NCAPD3: variants seen among roughly 807,000 people sequenced by gnomAD.
NCAPD3 encodes the protein condensin-2 complex subunit D3.
A neutral mutation model predicts 182.9 loss-of-function variants in NCAPD3; 105 were observed. That is an observed-to-expected ratio of 0.57 (90% CI 0.49 to 0.68). The LOEUF (loss-of-function observed/expected upper bound fraction) is 0.68. Ranked by LOEUF, NCAPD3 falls within the 30% of genes least tolerant of loss-of-function variation. The pLI is 0.00. For synonymous variants in NCAPD3, 815 were observed against 679.9 expected (o/e 1.20, Z -3.09); for missense variants, 1,944 against 1,837.0 (o/e 1.06, Z -1.07).
In NCAPD3 at chr11:134,203,869, G is replaced by A. The variant is rs770514835; in HGVS notation, c.1253C>T (p.Ala418Val). Residue 418 changes from alanine (A) to valine (V), a missense_variant, in exon 11 of 35, where the codon GCT becomes GTT. By Grantham distance (64) the Ala-to-Val change is moderately conservative (BLOSUM62 0). Coordinates refer to ENST00000534548, the MANE Select transcript of NCAPD3 (RefSeq NM_015261.3). ...HRVFTLDVVL[A>V]LLELPEREVD... is the part of the protein sequence containing the mutation. ...CTCTCTTTCAGGCAGTTCTAACAGA[G>A]CTAAGACAACATCAAGAGTAAAAAC... is the stretch of plus-strand genomic sequence containing the variant. The A allele has an allele frequency of 6.2e-7, 1 of 1,614,072 alleles. No homozygotes were observed. The highest frequency in any genetic ancestry group is 8.5e-7 in the Non-Finnish European group (1 of 1,179,948).
chr11:134,161,818 T>A lies in NCAPD3; in HGVS notation c.3647A>T (p.Lys1216Met). 1 of 1,593,426 alleles carries A rather than the reference T, an allele frequency of 6.3e-7. No homozygotes were observed. Among genetic ancestry groups the A allele is most frequent in the Non-Finnish European group, 8.6e-7 (1 of 1,164,582 alleles). The change falls in exon 28 of 35, where the codon AAG (lysine) becomes ATG (methionine). Residue 1216 changes from lysine (K) to methionine (M), a missense_variant. By Grantham distance (95) the Lys-to-Met change is moderately conservative. Coordinates refer to ENST00000534548, the MANE Select transcript of NCAPD3 (RefSeq NM_015261.3). ...CATGAGTTCCCGCAAAGCTGGGATC[T>A]TATTTTTCTCCAGCACAGTCTTCAG... ...ISLKTVLEKN[K>M]IPALRELMHY...
intron 13 of NCAPD3, among the ~76,000 whole-genome samples, chr11:134,196,541 G>A (rs1267072904): frequency 1.3e-5 from 2 of 151,564 alleles, no homozygotes; most frequent in African/African-American, 4.9e-5. Context: ...AGATACTCAG[G>A]AGGCTGAGGC....
At chr11:134,217,631 A>G (rs984819366) in intron 2 of NCAPD3, among the ~76,000 whole-genome samples, 6 of 152,232 alleles carry the variant, frequency 3.9e-5, no homozygotes, top group Non-Finnish European at 1.5e-5. Context: ...TATTAATTCT[A>G]TCTTCATTCC....
intron 28 of NCAPD3, among the ~76,000 whole-genome samples, chr11:134,161,191 A>G (rs932050852): frequency 1.3e-5 from 2 of 152,168 alleles, no homozygotes; most frequent in Non-Finnish European, 2.9e-5. Context: ...AATTAAAGAA[A>G]AACTATGTTG....
intron 8 of NCAPD3, among the ~76,000 whole-genome samples, chr11:134,205,916 C>T (rs961795577): frequency 7.2e-5 from 11 of 152,350 alleles, no homozygotes; most frequent in Admixed American, 5.9e-4. Flanking sequence ...ACCCTGCACA[C>T]TGTGCACACC....
intron 24 of NCAPD3, among the ~76,000 whole-genome samples, chr11:134,172,498 G>A (rs1409429163): frequency 6.6e-6 from 1 of 152,104 alleles, no homozygotes; most frequent in Admixed American, 6.5e-5. Flanking sequence ...CCCAAACCAG[G>A]CCATCCTTGT....
At chr11:134,169,078 A>C (rs1038962248) in intron 24 of NCAPD3, 24 bp from the exon 25 acceptor site, 3 of 1,607,682 alleles carry the variant, frequency 1.9e-6, no homozygotes, top group Non-Finnish European at 2.5e-6. Flanking sequence ...AGAAACAAAG[A>C]GGGAGACCCA....
At chr11:134,206,834 G>A (rs1937624382) in intron 7 of NCAPD3, 102 bp from the exon 8 acceptor site, 2 of 1,285,418 alleles carry the variant, frequency 1.6e-6, no homozygotes, top group Admixed American at 5.4e-5. Flanking sequence ...CCATCTGAAG[G>A]TAGGTCAGGC....
At chr11:134,203,502 T>C in intron 11 of NCAPD3, 152 bp downstream of exon 11, 2 of 1,077,766 alleles carry the variant, frequency 1.9e-6, no homozygotes, top group East Asian at 5.0e-5. Context: ...TAAAAAGTTA[T>C]TTGGCAAGAA....
rs1403982435 is a variant in NCAPD3 at position 134,153,137 on chromosome 11, T to TA, written c.4388+2dup. The TA allele has an allele frequency of 3.1e-6, 5 of 1,613,934 alleles. No homozygotes were observed. The highest frequency in any genetic ancestry group is 2.2e-5 in the East Asian group (1 of 44,880). ...ACCTCAAAAGGAACACTGCTAAACT[T>TA]ACGGTTTATCAGGCAGTGATAAACA... On this transcript the variant is annotated splice_region_variant and intron_variant, in intron 34 of 34. Transcript: ENST00000534548.
In NCAPD3 at chr11:134,167,972, A is replaced by G. The variant is rs752838194; in HGVS notation, c.3573+24T>C. ...CAGCACACTCACTTGTGAGAAGATG[A>G]TCTTAGGGGAGCAACACACTCACTT... On this transcript the variant is annotated intron_variant, in intron 27 of 34. Coordinates refer to ENST00000534548, the MANE Select transcript of NCAPD3 (RefSeq NM_015261.3). 2.1e-5 allele frequency: 33 copies of G among 1,608,692 alleles called. No individual in the cohort carries two copies. In the East Asian group the frequency reaches 2.2e-4, roughly 11 times the overall value.
intron 16 of NCAPD3, chr11:134,186,200 ATAT>A (rs1944402474): frequency 6.6e-6 from 1 of 151,954 alleles, no homozygotes; most frequent in Non-Finnish European, 1.5e-5. Flanking sequence ...TGTTTGTGTT[ATAT>A]TACTAGTTTT....
At chr11:134,206,196 A>G (rs1308658094) in intron 8 of NCAPD3, among the ~76,000 whole-genome samples, 1 of 152,232 alleles carries the variant, frequency 6.6e-6, no homozygotes, top group East Asian at 1.9e-4. Context: ...AAGTGCAAAG[A>G]AACAAGAAGA....
chr11:134,204,218 A>T lies in NCAPD3; in HGVS notation c.1090-47T>A, dbSNP rs200996218. On this transcript the variant is annotated intron_variant, in intron 9 of 34. Coordinates refer to ENST00000534548, the MANE Select transcript of NCAPD3 (RefSeq NM_015261.3). The surrounding 1 kb of genome is among the most constrained non-coding windows in gnomAD (Gnocchi z 4.3). Reference sequence around the variant, plus strand: ...TGACCAACCAATATCCACCCGCAGGATGGCTGAAACATATTCTGTAATATA... The same window carrying T: ...TGACCAACCAATATCCACCCGCAGGTTGGCTGAAACATATTCTGTAATATA... 1 of 1,598,868 alleles carries T rather than the reference A, an allele frequency of 6.3e-7. No homozygotes were observed. Among genetic ancestry groups the T allele is most frequent in the African/African-American group, 1.3e-5 (1 of 74,644 alleles).
Position 134,209,161 on chromosome 11 carries a change from G to C in NCAPD3, c.778C>G (p.His260Asp), listed in dbSNP as rs186127956. 209 of 1,613,446 alleles carry C rather than the reference G, an allele frequency of 1.3e-4. 2 individuals carry two copies. In the East Asian group the frequency reaches 4.5e-3, roughly 34 times the overall value. Reference sequence around the variant, plus strand: ...ATGGCTCACCTGGCTTGTGTAACATGACATTCATGAAGAACTGGCTCAAAA... The same window carrying C: ...ATGGCTCACCTGGCTTGTGTAACATCACATTCATGAAGAACTGGCTCAAAA... The part of the protein sequence containing the change: ...TNFEPVLHEC[H>D]VTQARALNQA... The change falls in exon 6 of 35, where the codon CAT becomes GAT. Residue 260 changes from histidine (H) to aspartate (D), a missense_variant. Coordinates refer to ENST00000534548, the MANE Select transcript of NCAPD3 (RefSeq NM_015261.3).
Position 134,203,876 on chromosome 11 carries a change from C to G in NCAPD3, c.1246G>C (p.Val416Leu). 1.2e-6 allele frequency: 2 copies of G among 1,614,032 alleles called. No individual in the cohort carries two copies. The highest frequency in any genetic ancestry group is 1.7e-6 in the Non-Finnish European group (2 of 1,179,950). ...IPHRVFTLDV[V>L]LALLELPERE... ...TCAGGCAGTTCTAACAGAGCTAAGA[C>G]AACATCAAGAGTAAAAACCCGGTGT... Residue 416 changes from valine (V) to leucine (L), a missense_variant, in exon 11 of 35, where the codon GTC (valine) becomes CTC (leucine). Transcript: ENST00000534548.
At chr11:134,166,100 G>A (rs1461049758) in intron 27 of NCAPD3, among the ~76,000 whole-genome samples, 4 of 16,690 alleles carry the variant, frequency 2.4e-4, no homozygotes, top group South Asian at 4.5e-3. Flanking sequence ...TTGGGGGAGG[G>A]GCACACTCAC....
At chr11:134,154,432 G>A (rs901135841) in intron 32 of NCAPD3, among the ~76,000 whole-genome samples, 1 of 150,010 alleles carries the variant, frequency 6.7e-6, no homozygotes, top group Non-Finnish European at 1.5e-5. Context: ...ACCCTCCTGC[G>A]TCCTCTTCCT....
chr11:134,163,700 CAA>C (rs57961196), intron 27 of NCAPD3, among the ~76,000 whole-genome samples: 2,980 of 66,062 alleles, frequency 0.045, 139 homozygotes, highest in African/African-American at 0.15. Flanking sequence ...TACTGTGTCT[CAA>C]AAAAAAAAAA....
Sources: gnomAD v4.1 joint callset for allele counts (sites outside exome capture counted in the v4.1 genomes callset) on GRCh38, gnomAD v4.1.1 for gene constraint, Gnocchi (gnomAD v3.1) non-coding constraint, MANE v1.5 for transcripts, NCBI Gene and HGNC (gene_info 2026-07-23, HGNC 2026-07-21) for gene names.